The following RYR2 variants were observed in gnomAD, a reference collection of about 807,000 sequenced individuals.
RYR2 encodes the protein ryanodine receptor 2.
RYR2 carries 227 observed loss-of-function variants against 601.1 expected under a neutral mutation model. That is an observed-to-expected ratio of 0.38 (90% confidence interval 0.34 to 0.42). The LOEUF is 0.42. RYR2 is among the 10% of genes least tolerant of loss of function. The pLI, the probability that RYR2 is intolerant of heterozygous loss-of-function variation, is 1.00. For missense variants in RYR2, 4,646 were observed against 6,156.5 expected, an observed-to-expected ratio of 0.75 and a Z score of 8.21; for synonymous variants, 2,223 against 2,175.1, an observed-to-expected ratio of 1.02 and a Z score of -0.61.
intron 3 of RYR2, among the ~76,000 whole-genome samples, chr1:237,345,467 T>TAAA (rs1332928390): frequency 3.5e-5 from 5 of 143,960 alleles, no homozygotes; most frequent in Non-Finnish European, 7.7e-5. Context: ...AAATAAAAAA[T>TAAA]AAAAAATAAA....
chr1:237,242,042 T>C (rs1686229706), intron 1 of RYR2, among the ~76,000 whole-genome samples: 1 of 152,168 alleles, frequency 6.6e-6, no homozygotes, highest in Admixed American at 6.5e-5. Flanking sequence ...GGATAGTAGA[T>C]AGAAAGGCAT....
chr1:237,421,343 T>A (rs2150049800), intron 11 of RYR2, among the ~76,000 whole-genome samples: 1 of 152,332 alleles, frequency 6.6e-6, no homozygotes, highest in South Asian at 2.1e-4. Flanking sequence ...AAAAAGCTTG[T>A]TTATTTCCAA....
intron 1 of RYR2, among the ~76,000 whole-genome samples, chr1:237,045,753 G>A (rs1005674295): frequency 5.5e-5 from 8 of 145,338 alleles, no homozygotes; most frequent in African/African-American, 1.0e-4. Flanking sequence ...TTAAAAACAC[G>A]CATCTTTTTC....
intron 58 of RYR2, among the ~76,000 whole-genome samples, chr1:237,670,841 C>A (rs1463850585): frequency 6.6e-6 from 1 of 152,134 alleles, no homozygotes; most frequent in African/African-American, 2.4e-5. Context: ...TAAGTGTTTC[C>A]TTTGAGCATC....
chr1:237,652,017 C>T (rs572027859), intron 51 of RYR2, among the ~76,000 whole-genome samples: 22 of 151,130 alleles, frequency 1.5e-4, no homozygotes, highest in Non-Finnish European at 2.2e-4. Context: ...GCCTGGGTGA[C>T]AGAGCGAGAC....
At chr1:237,423,056 G>A (rs1266471660) in intron 11 of RYR2, 36 bp from the exon 12 acceptor site, 2 of 1,585,454 alleles carry the variant, frequency 1.3e-6, no homozygotes, top group African/African-American at 1.4e-5. Flanking sequence ...TGTGATTGTG[G>A]GTGCTATTGG....
intron 35 of RYR2, among the ~76,000 whole-genome samples, chr1:237,606,716 A>G (rs1450862558): frequency 6.6e-6 from 1 of 152,242 alleles, no homozygotes; most frequent in African/African-American, 2.4e-5. Flanking sequence ...CAAAGAACTC[A>G]AACAAATTTA....
intron 1 of RYR2, among the ~76,000 whole-genome samples, chr1:237,179,626 T>C (rs560210759): frequency 2.0e-5 from 3 of 152,234 alleles, no homozygotes; most frequent in South Asian, 2.1e-4. Flanking sequence ...ATAGCTGATA[T>C]GTGATCTGGG....
intron 29 of RYR2, among the ~76,000 whole-genome samples, chr1:237,578,360 T>C (rs2805406): frequency 0.94 from 142,371 of 152,108 alleles, 67,322 homozygotes; most frequent in East Asian, 1. Context: ...AGCAGGGTGC[T>C]TTGTATGTGT....
At chr1:237,756,511 A>G (rs1044538546) in intron 81 of RYR2, 124 bp downstream of exon 81, 4 of 574,620 alleles carry the variant, frequency 7.0e-6, no homozygotes, top group African/African-American at 5.6e-5. Flanking sequence ...TCATGACTAT[A>G]TCAGGTGCCT....
chr1:237,595,365 C>T lies in RYR2; in HGVS notation c.4437-133C>T, dbSNP rs541975101. On this transcript the variant is annotated intron_variant, in intron 33 of 104. Transcript: ENST00000366574. ...TTTTGCTCAGAATCACAGAATCGGG[C>T]CTATTGTGCACCTCTCCCATTACAG... The T allele has an allele frequency of 1.8e-4, 173 of 958,186 alleles. No individual in the cohort carries two copies. In the African/African-American group the frequency reaches 2.6e-3, roughly 14 times the overall value. 59.4% of individuals were successfully genotyped at this position (958,186 alleles called of 1,614,324 possible). A position where few individuals can be genotyped will look rare whatever the true frequency, so the allele number is the denominator to read the frequency against.
chr1:237,679,909 G>A (rs182397052), intron 61 of RYR2, among the ~76,000 whole-genome samples: 1 of 152,140 alleles, frequency 6.6e-6, no homozygotes, highest in Non-Finnish European at 1.5e-5. Context: ...GGAGGAATTG[G>A]CCCAAGGCCA....
At position 237,384,418 on chromosome 1, in the gene RYR2, A is replaced by G. The variant is rs566320151; in HGVS notation, c.577-2863A>G. ...CATGTGCTGTCAGCCCCAAAGACAA[A>G]GCTCTCGGCTGTAATGTATGTCCCC... On this transcript the variant is annotated intron_variant, in intron 8 of 104. Coordinates refer to ENST00000366574, the MANE Select transcript of RYR2 (RefSeq NM_001035.3). Among the ~76,000 whole-genome samples, 10 of 152,322 alleles carry G rather than the reference A, an allele frequency of 6.6e-5. No homozygotes were observed. In the South Asian group the frequency reaches 2.1e-3, roughly 32 times the overall value.
intron 96 of RYR2, among the ~76,000 whole-genome samples, chr1:237,795,846 A>ATATATATATG (rs1436262969): frequency 0.02 from 2,347 of 116,836 alleles, 79 homozygotes; most frequent in African/African-American, 0.091. Context: ...GTATATATAT[A>ATATATATATG]TATGTATATG....
intron 94 of RYR2, among the ~76,000 whole-genome samples, 181 bp from the exon 95 acceptor site, chr1:237,793,686 T>C (rs1460850443): frequency 6.6e-6 from 1 of 152,234 alleles, no homozygotes; most frequent in Non-Finnish European, 1.5e-5. Flanking sequence ...CTTCTGTTTT[T>C]CCAAAACCTT....
chr1:237,056,752 G>A (rs1662180159), intron 1 of RYR2, among the ~76,000 whole-genome samples: 2 of 150,318 alleles, frequency 1.3e-5, no homozygotes, highest in Admixed American at 6.6e-5. Flanking sequence ...TGTGAGGACT[G>A]GAGCACTGCA....
At chr1:237,602,749 G>T (rs1031607477) in intron 35 of RYR2, among the ~76,000 whole-genome samples, 1 of 152,208 alleles carries the variant, frequency 6.6e-6, no homozygotes, top group Non-Finnish European at 1.5e-5. Context: ...AAAAGGTCTT[G>T]TGTGCCATGT....
At chr1:237,801,788 G>GCT in intron 97 of RYR2, 68 bp from the exon 98 acceptor site, 1 of 966,068 alleles carries the variant, frequency 1.0e-6, no homozygotes, top group Non-Finnish European at 1.6e-6. Context: ...AGGCCGTCAG[G>GCT]CTCTCGCAAG....
In RYR2 at chr1:237,180,637, T is replaced by A. The variant is rs1359276665; in HGVS notation, c.49-89860T>A. 8.3e-6 allele frequency among the ~76,000 whole-genome samples: 1 copy of A among 120,328 alleles called. No homozygotes were observed. The highest frequency in any genetic ancestry group is 3.0e-5 in the African/African-American group (1 of 33,134). The allele number at this position is 120,328 out of a possible 152,430, so 78.9% of individuals were successfully genotyped here. ...ATATGTATATATGTATATGTGTATA[T>A]ATGTATATGTATATGTGTATATATG... On this transcript the variant is annotated intron_variant, in intron 1 of 104. Transcript: ENST00000366574. This position sits in a 1 kb window ranked among gnomAD's most constrained non-coding sequence, Gnocchi z 5.3.
Sources: gnomAD v4.1 joint callset for allele counts (sites outside exome capture counted in the v4.1 genomes callset) on GRCh38, gnomAD v4.1.1 for gene constraint, Gnocchi (gnomAD v3.1) non-coding constraint, MANE v1.5 for transcripts, NCBI Gene and HGNC (gene_info 2026-07-23, HGNC 2026-07-21) for gene names.